DCAF6: variants seen among roughly 807,000 people sequenced by gnomAD.
DCAF6 encodes the protein DDB1- and CUL4-associated factor 6.
Under a neutral mutation model 125.1 loss-of-function variants are expected in DCAF6, and 54 were observed. The ratio of observed to expected loss-of-function variants is 0.43; its 90% confidence interval spans 0.35 to 0.54. The LOEUF is 0.54. Among genes scored for constraint, DCAF6 ranks in the 20% least tolerant of loss-of-function variants. The pLI is 0.01. For synonymous variants in DCAF6, 371 were observed against 390.4 expected (o/e 0.95, Z 0.58); for missense variants, 934 against 1,161.7 (o/e 0.80, Z 2.85).
chr1:168,014,584 CT>C (rs1684709256), intron 10 of DCAF6, among the ~76,000 whole-genome samples: 1 of 152,172 alleles, frequency 6.6e-6, no homozygotes, highest in South Asian at 2.1e-4. Flanking sequence ...TCTATTCATT[CT>C]TTCCCCCAAC....
chr1:168,054,135 A>G (rs1690299856), intron 17 of DCAF6, among the ~76,000 whole-genome samples: 1 of 152,222 alleles, frequency 6.6e-6, no homozygotes, highest in African/African-American at 2.4e-5. Flanking sequence ...AAAGCTAGAT[A>G]ACGCTAACAT....
At chr1:167,901,634 T>C in the DCAF6 span, 9 of 1,611,874 alleles carry the variant, frequency 5.6e-6, no homozygotes, top group African/African-American at 1.3e-5. Context: ...CCAGCTGCCG[T>C]AGGATTTATT....
intron 10 of DCAF6, among the ~76,000 whole-genome samples, chr1:168,006,201 AT>A (rs1683313877): frequency 6.6e-6 from 1 of 152,166 alleles, no homozygotes; most frequent in Admixed American, 6.5e-5. Flanking sequence ...ATGCATTTTA[AT>A]TACTGCATTT....
intron 1 of DCAF6, among the ~76,000 whole-genome samples, chr1:167,946,940 A>T (rs1335529668): frequency 6.6e-6 from 1 of 152,182 alleles, no homozygotes; most frequent in Non-Finnish European, 1.5e-5. Flanking sequence ...TAGTTTCAGG[A>T]GTATTGATAT....
chr1:168,051,145 G>A (rs192271847), intron 17 of DCAF6, among the ~76,000 whole-genome samples: 1 of 152,310 alleles, frequency 6.6e-6, no homozygotes, highest in African/African-American at 2.4e-5. Context: ...AATTTCCTGT[G>A]TGCAGACTGA....
chr1:167,926,496 A>G, the DCAF6 span, among the ~76,000 whole-genome samples: 3 of 152,254 alleles, frequency 2.0e-5, no homozygotes, highest in Admixed American at 6.5e-5. Flanking sequence ...ACATGAAGCC[A>G]CTGAGTTTCA....
chr1:168,049,554 G>A (rs1018557425), intron 16 of DCAF6, among the ~76,000 whole-genome samples: 9 of 144,906 alleles, frequency 6.2e-5, no homozygotes, highest in African/African-American at 1.8e-4. Flanking sequence ...GAGCCACCGC[G>A]CCTGGCCATA....
intron 16 of DCAF6, among the ~76,000 whole-genome samples, chr1:168,045,794 C>G (rs1346291030): frequency 6.6e-6 from 1 of 152,000 alleles, no homozygotes; most frequent in Non-Finnish European, 1.5e-5. Flanking sequence ...TATAGTTTTT[C>G]TATATTTTAT....
chr1:167,949,178 C>G (rs965261363), intron 1 of DCAF6, among the ~76,000 whole-genome samples: 2 of 152,120 alleles, frequency 1.3e-5, no homozygotes, highest in Non-Finnish European at 2.9e-5. Context: ...TAAGAGGCAG[C>G]TTGAAGTACA....
chr1:167,975,024 T>G lies in DCAF6; in HGVS notation c.438+9T>G. 1.3e-6 allele frequency: 2 copies of G among 1,532,988 alleles called. No individual in the cohort carries two copies. The highest frequency in any genetic ancestry group is 1.4e-5 in the African/African-American group (1 of 72,358). The allele number at this position is 1,532,988 out of a possible 1,614,324, so 95.0% of individuals were successfully genotyped here. On this transcript the variant is annotated intron_variant, in intron 4 of 21. Transcript: ENST00000367840. Reference sequence around the variant, plus strand: ...ATGGAACTACTTATGAGGTATGGTATTATTATGATTATATGATATATATGT... The same window carrying G: ...ATGGAACTACTTATGAGGTATGGTAGTATTATGATTATATGATATATATGT...
chr1:168,059,079 A>C (rs1411925928), intron 17 of DCAF6, among the ~76,000 whole-genome samples: 1 of 151,690 alleles, frequency 6.6e-6, no homozygotes, highest in East Asian at 1.9e-4. Context: ...TCAATCTTTT[A>C]TGCTTGTCAC....
At chr1:168,065,864 C>T (rs1219098790) in intron 19 of DCAF6, 118 bp downstream of exon 19, 3 of 967,876 alleles carry the variant, frequency 3.1e-6, no homozygotes, top group Non-Finnish European at 4.4e-6. Context: ...TCTGACTAGG[C>T]AGCAGTAGAG....
At chr1:168,064,870 TAA>T (rs988874043) in intron 18 of DCAF6, among the ~76,000 whole-genome samples, 1 of 152,234 alleles carries the variant, frequency 6.6e-6, no homozygotes, top group Non-Finnish European at 1.5e-5. Flanking sequence ...AATGTCATTA[TAA>T]CTATTCCAGT....
In DCAF6 at chr1:167,936,902, A is replaced by T; in HGVS notation, c.-10A>T. ...GGTGGTCTCCCCTCCCACCCGGCTC[A>T]GGCAGAGCCATGTCTCGGGGTGGCT... On this transcript the variant is annotated 5_prime_UTR_variant, in exon 1 of 22. Transcript: ENST00000367840. The T allele has an allele frequency of 1.3e-6, 2 of 1,590,732 alleles. No individual in the cohort carries two copies. The highest frequency in any genetic ancestry group is 1.1e-5 in the South Asian group (1 of 87,512).
At chr1:167,919,069 T>G in the DCAF6 span, among the ~76,000 whole-genome samples, 16 of 152,358 alleles carry the variant, frequency 1.1e-4, no homozygotes, top group Admixed American at 9.1e-4. Flanking sequence ...GCAAAGCACC[T>G]TTCCTAAGAA....
the DCAF6 span, among the ~76,000 whole-genome samples, chr1:167,890,623 G>A: frequency 1.3e-5 from 2 of 152,168 alleles, no homozygotes; most frequent in East Asian, 3.9e-4. Flanking sequence ...AGCCAGCCAG[G>A]TTTGTGTCTT....
chr1:168,036,263 TCTTAAATTTTCCTGAAAAGG>T (rs890495046), intron 12 of DCAF6, among the ~76,000 whole-genome samples: 1 of 152,184 alleles, frequency 6.6e-6, no homozygotes. Context: ...TATAACTGTC[TCTTAAATTTTCCTGAAAAGG>T]AAAGTTTTCA....
chr1:167,955,843 C>G (rs569675202), intron 2 of DCAF6, among the ~76,000 whole-genome samples: 2 of 152,266 alleles, frequency 1.3e-5, no homozygotes, highest in South Asian at 4.1e-4. Flanking sequence ...TCACTATAGC[C>G]TCGACCTCCT....
the DCAF6 span, among the ~76,000 whole-genome samples, chr1:167,873,874 T>C: frequency 6.6e-6 from 1 of 152,206 alleles, no homozygotes; most frequent in Non-Finnish European, 1.5e-5. Flanking sequence ...TTCTGTTTAT[T>C]AAATGCATAA....
Sources: allele counts gnomAD v4.1 joint callset (sites outside exome capture counted in the v4.1 genomes callset), GRCh38; gene constraint gnomAD v4.1.1; transcripts MANE v1.5; gene names NCBI Gene and HGNC (gene_info 2026-07-23, HGNC 2026-07-21).